PDE4B: variants seen among roughly 807,000 people sequenced by gnomAD.
The protein encoded by PDE4B is phosphodiesterase 4B.
Under a neutral mutation model 82.2 loss-of-function variants are expected in PDE4B, and 20 were observed. The observed-to-expected ratio is 0.24, with a 90% confidence interval of 0.17 to 0.35. The LOEUF is 0.35. Among genes scored for constraint, PDE4B ranks in the 10% least tolerant of loss-of-function variants. The pLI is 1.00. For missense variants in PDE4B, 655 were observed against 907.2 expected (o/e 0.72, Z 3.57); for synonymous variants, 320 against 318.9 (o/e 1.00, Z -0.04).
At chr1:66,289,408 T>C (rs1232668559) in intron 7 of PDE4B, among the ~76,000 whole-genome samples, 1 of 152,010 alleles carries the variant, frequency 6.6e-6, no homozygotes, top group African/African-American at 2.4e-5. Flanking sequence ...GATGGAAAAA[T>C]GGGAAAAGGT....
At chr1:66,224,120 T>A (rs1313572047) in intron 3 of PDE4B, among the ~76,000 whole-genome samples, 1 of 152,112 alleles carries the variant, frequency 6.6e-6, no homozygotes, top group Non-Finnish European at 1.5e-5. Flanking sequence ...TTCCACTTGA[T>A]GCCTGACTCT....
intron 3 of PDE4B, among the ~76,000 whole-genome samples, chr1:65,966,926 TAAA>T (rs1419709166): frequency 3.9e-5 from 6 of 152,062 alleles, no homozygotes; most frequent in Admixed American, 1.3e-4. Flanking sequence ...TCTAAAACCA[TAAA>T]AACCCTAGAA....
intron 3 of PDE4B, among the ~76,000 whole-genome samples, chr1:66,233,111 T>C (rs1652118608): frequency 6.6e-6 from 1 of 152,172 alleles, no homozygotes; most frequent in East Asian, 1.9e-4. Context: ...AAGTTTCCCT[T>C]TGCAACCCCT....
chr1:65,819,219 C>T (rs1203726685), intron 1 of PDE4B, among the ~76,000 whole-genome samples: 4 of 152,138 alleles, frequency 2.6e-5, no homozygotes, highest in African/African-American at 7.2e-5. Context: ...AGGGATGGCA[C>T]CACAGAGAAA....
intron 3 of PDE4B, among the ~76,000 whole-genome samples, chr1:66,026,375 A>G (rs2100783164): frequency 6.6e-6 from 1 of 152,112 alleles, no homozygotes; most frequent in East Asian, 1.9e-4. Flanking sequence ...CATGTCCTCT[A>G]TTATCCCCAT....
chr1:65,836,823 G>T (rs1173772877), intron 1 of PDE4B, among the ~76,000 whole-genome samples: 1 of 152,094 alleles, frequency 6.6e-6, no homozygotes, highest in Non-Finnish European at 1.5e-5. Flanking sequence ...AAGGGTGTTG[G>T]ATCTTCATGA....
intron 3 of PDE4B, among the ~76,000 whole-genome samples, chr1:65,937,275 CGATT>C (rs1282780938): frequency 5.3e-5 from 8 of 152,224 alleles, no homozygotes; most frequent in African/African-American, 1.7e-4. Flanking sequence ...AGAGTGGTGG[CGATT>C]TCCCTGCCTC....
chr1:65,832,460 C>T (rs1265957427), intron 1 of PDE4B, among the ~76,000 whole-genome samples: 1 of 152,154 alleles, frequency 6.6e-6, no homozygotes, highest in African/African-American at 2.4e-5. Context: ...AAACATATGA[C>T]TCTAATTTCT....
intron 3 of PDE4B, among the ~76,000 whole-genome samples, chr1:66,159,536 T>C (rs2088819): frequency 0.78 from 117,860 of 152,032 alleles, 46,126 homozygotes; most frequent in Non-Finnish European, 0.83. Flanking sequence ...CCACCACACC[T>C]GGCCAAAATA....
chr1:66,293,841 T>G (rs1053699516), intron 7 of PDE4B, among the ~76,000 whole-genome samples: 1 of 152,190 alleles, frequency 6.6e-6, no homozygotes, highest in Non-Finnish European at 1.5e-5. Flanking sequence ...ATTTTGTTGT[T>G]GTTGTTCTCA....
At chr1:66,160,209 A>G (rs985621300) in intron 3 of PDE4B, among the ~76,000 whole-genome samples, 20 of 152,226 alleles carry the variant, frequency 1.3e-4, no homozygotes, top group Admixed American at 3.9e-4. Flanking sequence ...TTTACCAGGT[A>G]TATGGAGAAT....
At chr1:66,258,044 A>G (rs1451857917) in intron 6 of PDE4B, among the ~76,000 whole-genome samples, 181 bp downstream of exon 6, 1 of 152,196 alleles carries the variant, frequency 6.6e-6, no homozygotes, top group Non-Finnish European at 1.5e-5. Context: ...ACAACACTAT[A>G]AGTAACCTAG....
At chr1:66,102,195 T>G (rs1645239444) in intron 3 of PDE4B, among the ~76,000 whole-genome samples, 1 of 152,142 alleles carries the variant, frequency 6.6e-6, no homozygotes, top group African/African-American at 2.4e-5. Context: ...GGTCTATATC[T>G]CTATAATCTA....
intron 16 of PDE4B, among the ~76,000 whole-genome samples, chr1:66,370,530 TC>T (rs1022584241): frequency 2.6e-5 from 4 of 152,148 alleles, no homozygotes; most frequent in African/African-American, 9.7e-5. Context: ...GGACAGGTCT[TC>T]CTGTTGCCAT....
At chr1:66,007,095 G>A (rs907011370) in intron 3 of PDE4B, among the ~76,000 whole-genome samples, 1 of 151,978 alleles carries the variant, frequency 6.6e-6, no homozygotes, top group Non-Finnish European at 1.5e-5. Context: ...TTGCATCACT[G>A]CACTCTAGCT....
At chr1:66,315,023 T>C (rs1429651292) in intron 7 of PDE4B, among the ~76,000 whole-genome samples, 1 of 152,220 alleles carries the variant, frequency 6.6e-6, no homozygotes, top group Non-Finnish European at 1.5e-5. Context: ...ACTGTGTCTT[T>C]CACTCTCGTA....
intron 1 of PDE4B, among the ~76,000 whole-genome samples, chr1:65,851,854 A>C (rs1196975694): frequency 6.6e-6 from 1 of 151,876 alleles, no homozygotes; most frequent in Non-Finnish European, 1.5e-5. Flanking sequence ...ATATTGGGGG[A>C]AAGCATTCTT....
chr1:66,098,827 A>G (rs1645165631), intron 3 of PDE4B, among the ~76,000 whole-genome samples: 1 of 152,116 alleles, frequency 6.6e-6, no homozygotes, highest in East Asian at 1.9e-4. Flanking sequence ...GCTCAGCTAT[A>G]TTTCATTATT....
intron 3 of PDE4B, among the ~76,000 whole-genome samples, chr1:65,949,349 T>C (rs1177660406): frequency 6.6e-6 from 1 of 152,134 alleles, no homozygotes; most frequent in Non-Finnish European, 1.5e-5. Flanking sequence ...CATCATTTGC[T>C]ACAGCAATTC....
Sources: allele counts gnomAD v4.1 joint callset (sites outside exome capture counted in the v4.1 genomes callset), GRCh38; gene constraint gnomAD v4.1.1; transcripts MANE v1.5; gene names NCBI Gene and HGNC (gene_info 2026-07-23, HGNC 2026-07-21).